TBC1D22A: variants seen among roughly 807,000 people sequenced by gnomAD.
TBC1D22A encodes the protein putative GTPase activator.
TBC1D22A carries 38 observed loss-of-function variants against 60.2 expected under a neutral mutation model. That is an observed-to-expected ratio of 0.63 (90% confidence interval 0.49 to 0.83). The LOEUF (loss-of-function observed/expected upper bound fraction) is 0.83, where lower values mean the gene tolerates loss of function less well. Among genes scored for constraint, TBC1D22A ranks in the 40% least tolerant of loss-of-function variants. The pLI, the probability that TBC1D22A is intolerant of heterozygous loss-of-function variation, is 0.00. For synonymous variants in TBC1D22A, 302 were observed against 281.7 expected, an observed-to-expected ratio of 1.07 and a Z score of -0.72; for missense variants, 628 against 701.0, an observed-to-expected ratio of 0.90 and a Z score of 1.18.
intron 11 of TBC1D22A, among the ~76,000 whole-genome samples, chr22:47,085,195 G>C (rs1283419123): frequency 6.6e-6 from 1 of 152,190 alleles, no homozygotes; most frequent in African/African-American, 2.4e-5. Flanking sequence ...CATGAGAATT[G>C]CTTGAACCCA....
chr22:47,105,760 C>T (rs186730219), intron 11 of TBC1D22A, among the ~76,000 whole-genome samples: 2 of 152,242 alleles, frequency 1.3e-5, no homozygotes, highest in South Asian at 2.1e-4. Context: ...TTCCCACCCC[C>T]CCACTCCCCA....
At chr22:46,974,806 C>T (rs2074227899) in intron 9 of TBC1D22A, among the ~76,000 whole-genome samples, 2 of 152,222 alleles carry the variant, frequency 1.3e-5, no homozygotes, top group African/African-American at 2.4e-5. Flanking sequence ...AGGCTGTGAG[C>T]CCTCGCCTGC....
intron 4 of TBC1D22A, among the ~76,000 whole-genome samples, chr22:46,862,513 A>G (rs1279116212): frequency 6.6e-6 from 1 of 152,198 alleles, no homozygotes; most frequent in Non-Finnish European, 1.5e-5. Flanking sequence ...ACCTTGGTTG[A>G]AAATGGCTCC....
intron 5 of TBC1D22A, among the ~76,000 whole-genome samples, chr22:46,886,474 C>G (rs2068124630): frequency 1.3e-5 from 2 of 152,204 alleles, no homozygotes. Flanking sequence ...ACGCGTGTAA[C>G]CAGGCGGTTG....
chr22:47,033,531 C>T (rs1467509778), intron 10 of TBC1D22A, among the ~76,000 whole-genome samples: 2 of 152,110 alleles, frequency 1.3e-5, no homozygotes, highest in African/African-American at 2.4e-5. Flanking sequence ...CGACACAGAC[C>T]TGGACCCACA....
chr22:46,979,954 G>A (rs1362685634), intron 9 of TBC1D22A, among the ~76,000 whole-genome samples: 1 of 151,938 alleles, frequency 6.6e-6, no homozygotes, highest in Non-Finnish European at 1.5e-5. Flanking sequence ...CATTCCCATG[G>A]GAAGAGGCAT....
intron 2 of TBC1D22A, among the ~76,000 whole-genome samples, chr22:46,793,270 C>T (rs1036492789): frequency 1.3e-5 from 2 of 152,224 alleles, no homozygotes; most frequent in Admixed American, 1.3e-4. Flanking sequence ...CCTGCGCCTC[C>T]TCCCAGGTGA....
chr22:47,081,893 C>G (rs1409018025), intron 11 of TBC1D22A, among the ~76,000 whole-genome samples: 1 of 152,224 alleles, frequency 6.6e-6, no homozygotes, highest in African/African-American at 2.4e-5. Context: ...CATGGTCGCT[C>G]ATGCTTGTAA....
intron 7 of TBC1D22A, among the ~76,000 whole-genome samples, chr22:46,898,744 C>T (rs1358850534): frequency 2.6e-5 from 4 of 152,176 alleles, no homozygotes; most frequent in South Asian, 4.1e-4. Flanking sequence ...AAAGATCTTG[C>T]AGCTCACTAG....
intron 11 of TBC1D22A, among the ~76,000 whole-genome samples, chr22:47,094,052 C>G (rs147093071): frequency 6.6e-6 from 1 of 152,100 alleles, no homozygotes; most frequent in Non-Finnish European, 1.5e-5. Context: ...AGGAAGCAGT[C>G]AAGATGAATG....
intron 11 of TBC1D22A, among the ~76,000 whole-genome samples, chr22:47,108,208 C>T (rs993564032): frequency 1.3e-5 from 2 of 152,170 alleles, no homozygotes; most frequent in Non-Finnish European, 2.9e-5. Context: ...AAGTATTTAT[C>T]CAAGCAAAAT....
rs533947948 is a variant in TBC1D22A, at chr22:46,904,369, C to T, written c.901-7705C>T. Among the ~76,000 whole-genome samples, 9 of 152,074 alleles carry T rather than the reference C, an allele frequency of 5.9e-5. No homozygotes were observed. In the East Asian group the frequency reaches 9.7e-4, roughly 16 times the overall value. On this transcript the variant is annotated intron_variant, in intron 7 of 12. Transcript: ENST00000337137. ...GGCGAGCTCATTGTGGTGAAAATCA[C>T]GCGGCAAGATAATTTCAGGGTAACC...
At chr22:47,017,960 C>G (rs986038500) in intron 10 of TBC1D22A, among the ~76,000 whole-genome samples, 1 of 152,230 alleles carries the variant, frequency 6.6e-6, no homozygotes, top group South Asian at 2.1e-4. Flanking sequence ...CTGCATGCTG[C>G]CTGTGGACAC....
Position 47,122,657 on chromosome 22 carries a change from A to G in TBC1D22A, c.1425+11054A>G, listed in dbSNP as rs144220169. Among the ~76,000 whole-genome samples, 1,046 of 152,368 alleles carry G rather than the reference A, an allele frequency of 6.9e-3. 15 individuals carry two copies. The highest frequency in any genetic ancestry group is 0.024 in the African/African-American group (990 of 41,588). On this transcript the variant is annotated intron_variant, in intron 12 of 12. Coordinates refer to ENST00000337137, the MANE Select transcript of TBC1D22A (RefSeq NM_014346.5). ...TGATAAGGAGATAAGCAATAAAGAC[A>G]TCACAGGTTCTCTTGGGCATCTGTG...
intron 10 of TBC1D22A, among the ~76,000 whole-genome samples, chr22:47,010,709 T>C (rs1278653623): frequency 6.6e-6 from 1 of 152,170 alleles, no homozygotes; most frequent in Non-Finnish European, 1.5e-5. Flanking sequence ...AGGAATTTGC[T>C]CTCTTGTTGG....
intron 12 of TBC1D22A, among the ~76,000 whole-genome samples, chr22:47,159,393 C>T (rs1319568274): frequency 6.7e-6 from 1 of 148,538 alleles, no homozygotes; most frequent in Non-Finnish European, 1.5e-5. Context: ...ACACACCACA[C>T]ACCACACTCT....
At chr22:47,103,778 A>G (rs1235300602) in intron 11 of TBC1D22A, among the ~76,000 whole-genome samples, 2 of 151,310 alleles carry the variant, frequency 1.3e-5, no homozygotes, top group Non-Finnish European at 2.9e-5. Context: ...ATTTTTTTTT[A>G]TCTTGCCCAA....
chr22:46,820,440 TTC>T (rs1411970646), intron 4 of TBC1D22A, among the ~76,000 whole-genome samples: 1 of 151,970 alleles, frequency 6.6e-6, no homozygotes, highest in East Asian at 1.9e-4. Flanking sequence ...TGTCTCTTTG[TTC>T]TCACTGGTTT....
chr22:47,084,963 C>T (rs1364108155), intron 11 of TBC1D22A, among the ~76,000 whole-genome samples: 1 of 152,168 alleles, frequency 6.6e-6, no homozygotes, highest in Non-Finnish European at 1.5e-5. Context: ...GGACTATTGG[C>T]ATTCTTTTAC....
Sources: gnomAD v4.1 joint callset for allele counts (sites outside exome capture counted in the v4.1 genomes callset) on GRCh38, gnomAD v4.1.1 for gene constraint, MANE v1.5 for transcripts, NCBI Gene and HGNC (gene_info 2026-07-23, HGNC 2026-07-21) for gene names.